Variants in FNIP2 observed in about 807,000 individuals in gnomAD.
FNIP2 encodes the protein folliculin-interacting protein 2.
In FNIP2, 32 loss-of-function variants were observed where a neutral mutation model predicts 108.7. The observed-to-expected ratio is 0.29, with a 90% confidence interval of 0.22 to 0.40. The LOEUF (loss-of-function observed/expected upper bound fraction) is 0.40, where lower values mean the gene tolerates loss of function less well. Among genes scored for constraint, FNIP2 ranks in the 10% least tolerant of loss-of-function variants. The pLI, the probability that FNIP2 is intolerant of heterozygous loss-of-function variation, is 1.00. For missense variants in FNIP2, 1,202 were observed against 1,381.6 expected, an observed-to-expected ratio of 0.87 and a Z score of 2.06; for synonymous variants, 480 against 496.7, an observed-to-expected ratio of 0.97 and a Z score of 0.45.
At chr4:158,851,475 G>A in intron 8 of FNIP2, 25 bp downstream of exon 8, 3 of 1,613,646 alleles carry the variant, frequency 1.9e-6, no homozygotes, top group Non-Finnish European at 2.5e-6. Flanking sequence ...TCCTCTTGCT[G>A]AGAAAAGTAG....
At chr4:158,820,538 C>A (rs1036569608) in intron 1 of FNIP2, among the ~76,000 whole-genome samples, 1 of 152,222 alleles carries the variant, frequency 6.6e-6, no homozygotes, top group African/African-American at 2.4e-5. Context: ...CAGGTCAGAT[C>A]GTGTCATTCT....
Position 158,868,948 on chromosome 4 carries a change from G to C in FNIP2, c.2312G>C (p.Gly771Ala), listed in dbSNP as rs1443777595. 6.2e-7 allele frequency: 1 copy of C among 1,613,996 alleles called. No homozygotes were observed. Among genetic ancestry groups the C allele is most frequent in the Admixed American group, 1.7e-5 (1 of 60,030 alleles). Residue 771 changes from glycine (G) to alanine (A), a missense_variant, in exon 13 of 17, where the codon GGC (glycine) becomes GCC (alanine). Physicochemically the swap from Gly to Ala is moderately conservative, Grantham distance 60. Around this residue, in one of 5 missense-constraint regions of FNIP2, gnomAD observed 878 missense variants for 990.3 expected, o/e 0.89. Coordinates refer to ENST00000264433, the MANE Select transcript of FNIP2 (RefSeq NM_020840.3). The surrounding 1 kb of genome is among the most constrained non-coding windows in gnomAD (Gnocchi z 4.6). ...GTTTCTAGGAGCCCTTTTAAACCTGGCTTTCAGGAGAATGTTTGCTGTCCT... is the reference window on the plus strand; with the variant it reads ...GTTTCTAGGAGCCCTTTTAAACCTGCCTTTCAGGAGAATGTTTGCTGTCCT... ...PQVSRSPFKP[G>A]FQENVCCPQN... is the part of the protein sequence containing the mutation.
In FNIP2 at chr4:158,833,527, G is replaced by C; in HGVS notation, c.555-1G>C. 6.3e-7 allele frequency: 1 copy of C among 1,581,848 alleles called. No individual in the cohort carries two copies. Among genetic ancestry groups the C allele is most frequent in the Non-Finnish European group, 8.6e-7 (1 of 1,166,848 alleles). The stretch of plus-strand genomic sequence containing the variant: ...CTTTTCCCCCCCATCTCCGGATATA[G>C]CTTGCAAGACAGCTTTGAGTACATC... On this transcript the variant is annotated splice_acceptor_variant, in intron 5 of 16. Transcript: ENST00000264433. LOFTEE classifies it high-confidence loss of function.
At chr4:158,799,296 A>G (rs749462076) in intron 1 of FNIP2, among the ~76,000 whole-genome samples, 3 of 152,232 alleles carry the variant, frequency 2.0e-5, no homozygotes, top group African/African-American at 2.4e-5. Flanking sequence ...GTACATCCAA[A>G]TGGAAGGGAG....
At chr4:158,798,087 C>T (rs1005122733) in intron 1 of FNIP2, among the ~76,000 whole-genome samples, 5 of 152,218 alleles carry the variant, frequency 3.3e-5, no homozygotes, top group East Asian at 3.9e-4. Context: ...TTTTTAGAGA[C>T]AGGGTCTTGC....
intron 1 of FNIP2, among the ~76,000 whole-genome samples, chr4:158,821,835 C>T (rs1225063629): frequency 6.6e-6 from 1 of 152,158 alleles, no homozygotes; most frequent in Non-Finnish European, 1.5e-5. Context: ...GTCAGTGTCT[C>T]ACCGCACTTT....
chr4:158,811,343 A>C (rs982627321), intron 1 of FNIP2, among the ~76,000 whole-genome samples: 2 of 152,210 alleles, frequency 1.3e-5, no homozygotes, highest in African/African-American at 2.4e-5. Context: ...CAAAGGCAGA[A>C]AAAGGAACTT....
At chr4:158,889,033 G>GT (rs909142931) in intron 14 of FNIP2, among the ~76,000 whole-genome samples, 5 of 151,422 alleles carry the variant, frequency 3.3e-5, no homozygotes, top group Admixed American at 1.3e-4. Context: ...CTACAAAAAC[G>GT]TTTTTTTTAA....
intron 6 of FNIP2, chr4:158,834,409 C>T (rs1778680124): frequency 6.7e-6 from 1 of 148,918 alleles, no homozygotes. Flanking sequence ...TTTAACTTGT[C>T]TTAGCATGAT....
chr4:158,903,965 T>G (rs1729591028), intron 16 of FNIP2, among the ~76,000 whole-genome samples: 1 of 152,220 alleles, frequency 6.6e-6, no homozygotes, highest in Non-Finnish European at 1.5e-5. Flanking sequence ...ATCTTGTGGC[T>G]TAAATGCTCA....
intron 14 of FNIP2, among the ~76,000 whole-genome samples, chr4:158,875,799 CA>C (rs2126727350): frequency 6.6e-6 from 1 of 152,146 alleles, no homozygotes; most frequent in African/African-American, 2.4e-5. Flanking sequence ...AGGCCTCTAG[CA>C]CTGTCTTCTA....
chr4:158,808,798 G>A (rs916954003), intron 1 of FNIP2: 2 of 152,160 alleles, frequency 1.3e-5, no homozygotes, highest in African/African-American at 4.8e-5. Flanking sequence ...ACACTGACAA[G>A]CAGGGGTTTT....
At position 158,835,476 on chromosome 4, in the gene FNIP2, G is replaced by T; in HGVS notation, c.727G>T (p.Ala243Ser). 6.2e-7 allele frequency: 1 copy of T among 1,611,512 alleles called. No individual in the cohort carries two copies. Among genetic ancestry groups the T allele is most frequent in the South Asian group, 1.1e-5 (1 of 91,028 alleles). ...EDRDSGIARSASLSSLLITPF... is the reference protein window; with the variant it reads ...EDRDSGIARSSSLSSLLITPF... ...CAGGGACAGTGGCATTGCTCGATCA[G>T]GTACTTGTACTCTGTTTATTGGTTT... The change falls in exon 7 of 17, where the codon GCC becomes TCC. Residue 243 changes from alanine (A) to serine (S), a missense_variant and splice_region_variant. By Grantham distance (99) the Ala-to-Ser change is moderately conservative. This residue lies in a region of FNIP2 where 878 missense variants were observed against 990.3 expected (regional missense o/e 0.89). Transcript: ENST00000264433.
chr4:158,832,670 A>C (rs1408560154), intron 5 of FNIP2, among the ~76,000 whole-genome samples: 1 of 152,206 alleles, frequency 6.6e-6, no homozygotes, highest in African/African-American at 2.4e-5. Flanking sequence ...ATATTTCTCT[A>C]TATATTTGAA....
intron 1 of FNIP2, among the ~76,000 whole-genome samples, chr4:158,784,009 G>T (rs1776135686): frequency 1.3e-5 from 2 of 152,212 alleles, no homozygotes; most frequent in Admixed American, 6.5e-5. Flanking sequence ...ACAAAATCAT[G>T]ATATATAAAG....
chr4:158,856,501 C>G (rs1220683246), intron 8 of FNIP2, among the ~76,000 whole-genome samples: 2 of 152,138 alleles, frequency 1.3e-5, no homozygotes, highest in Non-Finnish European at 2.9e-5. Flanking sequence ...TTGTATGTAG[C>G]TGCAGCCTTT....
intron 1 of FNIP2, among the ~76,000 whole-genome samples, chr4:158,825,368 G>A (rs370484937): frequency 6.6e-6 from 1 of 152,158 alleles, no homozygotes; most frequent in African/African-American, 2.4e-5. Flanking sequence ...TGATGCACTT[G>A]GTTTCTGAAA....
intron 14 of FNIP2, among the ~76,000 whole-genome samples, chr4:158,888,805 G>A (rs948775206): frequency 2.6e-5 from 4 of 151,394 alleles, no homozygotes; most frequent in African/African-American, 7.3e-5. Context: ...TCGCTTGAAC[G>A]CAGGAGCCAT....
intron 12 of FNIP2, among the ~76,000 whole-genome samples, chr4:158,864,183 G>A (rs371599714): frequency 1.6e-3 from 236 of 152,186 alleles, no homozygotes; most frequent in African/African-American, 5.3e-3. Flanking sequence ...ACAGATGTGC[G>A]TCACCATGCC....
Sources: allele counts gnomAD v4.1 joint callset (sites outside exome capture counted in the v4.1 genomes callset), GRCh38; gene constraint gnomAD v4.1.1; regional missense constraint gnomAD v4.1.1; non-coding constraint Gnocchi (gnomAD v3.1); transcripts MANE v1.5; gene names NCBI Gene and HGNC (gene_info 2026-07-23, HGNC 2026-07-21).